SLC14A2: variants seen among roughly 807,000 people sequenced by gnomAD.
SLC14A2 encodes the protein solute carrier family 14 member 2.
Under a neutral mutation model 104.6 loss-of-function variants are expected in SLC14A2, and 91 were observed. The observed-to-expected ratio is 0.87, with a 90% CI of 0.73 to 1.04. The LOEUF is 1.04. Ranked by LOEUF, SLC14A2 falls within the 50% of genes least tolerant of loss-of-function variation. The pLI is 0.00. For synonymous variants in SLC14A2, 476 were observed against 466.4 expected (o/e 1.02, Z -0.27); for missense variants, 1,189 against 1,156.0 (o/e 1.03, Z -0.41).
At chr18:45,549,129 A>C (rs1598991642) in intron 2 of SLC14A2, among the ~76,000 whole-genome samples, 1 of 152,358 alleles carries the variant, frequency 6.6e-6, no homozygotes, top group East Asian at 1.9e-4. Flanking sequence ...GAATAGAAGT[A>C]AAATGGACAA....
intron 17 of SLC14A2, among the ~76,000 whole-genome samples, chr18:45,673,393 C>T (rs571105285): frequency 1.3e-5 from 2 of 152,204 alleles, no homozygotes; most frequent in Non-Finnish European, 2.9e-5. Context: ...AGGAGAGGTT[C>T]TCTTTCTTGG....
chr18:45,573,104 C>G (rs552823535), intron 2 of SLC14A2, among the ~76,000 whole-genome samples: 36 of 152,270 alleles, frequency 2.4e-4, no homozygotes, highest in Non-Finnish European at 4.1e-4. Flanking sequence ...AGCCAAAATT[C>G]AGGGTCTACA....
chr18:45,462,039 C>T (rs187988550), intron 1 of SLC14A2, among the ~76,000 whole-genome samples: 2 of 152,254 alleles, frequency 1.3e-5, no homozygotes, highest in Middle Eastern at 3.4e-3. Context: ...CTGGAAGAAA[C>T]CTGGCCCTCT....
At chr18:45,283,677 C>T (rs1240422971) in intron 1 of SLC14A2, among the ~76,000 whole-genome samples, 3 of 152,208 alleles carry the variant, frequency 2.0e-5, no homozygotes, top group African/African-American at 4.8e-5. Flanking sequence ...ATTGTGTTTG[C>T]TTCTTCCTCT....
chr18:45,470,743 C>G (rs2087232964), intron 1 of SLC14A2, among the ~76,000 whole-genome samples: 1 of 152,028 alleles, frequency 6.6e-6, no homozygotes, highest in African/African-American at 2.4e-5. Flanking sequence ...TCTACTCTTA[C>G]CGAATTTTAA....
chr18:45,505,686 C>T (rs2043273175), intron 2 of SLC14A2, among the ~76,000 whole-genome samples: 1 of 152,200 alleles, frequency 6.6e-6, no homozygotes, highest in Non-Finnish European at 1.5e-5. Context: ...CCCCGAGCAC[C>T]CACACCACGT....
At chr18:45,285,177 G>T (rs1023163071) in intron 1 of SLC14A2, among the ~76,000 whole-genome samples, 1 of 152,172 alleles carries the variant, frequency 6.6e-6, no homozygotes, top group East Asian at 1.9e-4. Flanking sequence ...GTAGAATAGA[G>T]ACAGACTATA....
chr18:45,392,830 A>C (rs1281425272), intron 1 of SLC14A2, among the ~76,000 whole-genome samples: 1 of 152,242 alleles, frequency 6.6e-6, no homozygotes, highest in Non-Finnish European at 1.5e-5. Context: ...AGTTCTTAGT[A>C]AATGAAGATA....
intron 2 of SLC14A2, among the ~76,000 whole-genome samples, chr18:45,493,695 C>T (rs2043040823): frequency 6.6e-6 from 1 of 152,164 alleles, no homozygotes; most frequent in African/African-American, 2.4e-5. Context: ...AACTCCTAGG[C>T]CAAAATTACC....
At chr18:45,460,480 G>A (rs1222212515) in intron 1 of SLC14A2, among the ~76,000 whole-genome samples, 1 of 152,196 alleles carries the variant, frequency 6.6e-6, no homozygotes, top group African/African-American at 2.4e-5. Flanking sequence ...CTTCATGATA[G>A]AAGAATTTTC....
At chr18:45,634,118 A>C (rs1046413991) in intron 5 of SLC14A2, among the ~76,000 whole-genome samples, 8 of 152,154 alleles carry the variant, frequency 5.3e-5, no homozygotes, top group Middle Eastern at 3.4e-3. Flanking sequence ...TGAGCACCCC[A>C]CCCTGGGCTC....
At chr18:45,652,731 G>A (rs1241537012) in intron 10 of SLC14A2, among the ~76,000 whole-genome samples, 1 of 151,858 alleles carries the variant, frequency 6.6e-6, no homozygotes, top group African/African-American at 2.4e-5. Context: ...AGAGCCCTTG[G>A]TATCTGAGCT....
chr18:45,225,078 C>G (rs1444224063), intron 1 of SLC14A2, among the ~76,000 whole-genome samples: 6 of 152,164 alleles, frequency 3.9e-5, no homozygotes, highest in Non-Finnish European at 7.3e-5. Flanking sequence ...TGCCTATGTC[C>G]TGAATGCTAT....
chr18:45,567,172 T>G (rs949621), intron 2 of SLC14A2, among the ~76,000 whole-genome samples: 10,490 of 152,052 alleles, frequency 0.069, 386 homozygotes, highest in African/African-American at 0.096. Flanking sequence ...GAATTTTCTT[T>G]GTAACTCTGT....
intron 1 of SLC14A2, among the ~76,000 whole-genome samples, chr18:45,327,938 C>T (rs1008632211): frequency 6.6e-6 from 1 of 152,048 alleles, no homozygotes; most frequent in African/African-American, 2.4e-5. Flanking sequence ...TTTCTCTGAA[C>T]TAAAAATGAG....
At chr18:45,284,046 G>A (rs1251260914) in intron 1 of SLC14A2, among the ~76,000 whole-genome samples, 1 of 152,146 alleles carries the variant, frequency 6.6e-6, no homozygotes, top group Non-Finnish European at 1.5e-5. Context: ...GAAATAAAAT[G>A]TATTATTAAA....
intron 1 of SLC14A2, among the ~76,000 whole-genome samples, chr18:45,227,968 G>A (rs12959797): frequency 0.32 from 48,235 of 152,020 alleles, 8,252 homozygotes; most frequent in African/African-American, 0.45. Context: ...ATATAAAGAG[G>A]TACTTTGTGT....
the SLC14A2 span, among the ~76,000 whole-genome samples, chr18:45,191,252 G>A: frequency 6.6e-6 from 1 of 152,142 alleles, no homozygotes; most frequent in Non-Finnish European, 1.5e-5. Flanking sequence ...TGTTAGCCCA[G>A]CAATGCTGCC....
intron 1 of SLC14A2, among the ~76,000 whole-genome samples, chr18:45,475,641 GGATATAT>G (rs2087351908): frequency 9.4e-4 from 11 of 11,650 alleles, no homozygotes; most frequent in African/African-American, 2.0e-3. Context: ...TATATATTTA[GGATATAT>G]ATATATATAT....
Sources: allele counts gnomAD v4.1 joint callset (sites outside exome capture counted in the v4.1 genomes callset), GRCh38; gene constraint gnomAD v4.1.1; transcripts MANE v1.5; gene names NCBI Gene and HGNC (gene_info 2026-07-23, HGNC 2026-07-21).